MKRN2: variants seen among roughly 807,000 people sequenced by gnomAD.
The protein encoded by MKRN2 is E3 ubiquitin-protein ligase makorin-2.
In MKRN2, 32 loss-of-function variants were observed where a neutral mutation model predicts 45.4. The observed-to-expected ratio is 0.70, with a 90% CI of 0.53 to 0.95. The LOEUF (loss-of-function observed/expected upper bound fraction) is 0.95, where lower values mean the gene tolerates loss of function less well. Among genes scored for constraint, MKRN2 ranks in the 40% least tolerant of loss-of-function variants. The probability of loss-of-function intolerance (pLI) is 0.00; values close to 1 mark genes in which losing one functional copy is unlikely to be tolerated. For synonymous variants in MKRN2, 206 were observed against 192.4 expected, an observed-to-expected ratio of 1.07 and a Z score of -0.59; for missense variants, 526 against 536.7, an observed-to-expected ratio of 0.98 and a Z score of 0.20.
chr3:12,576,940 T>TTTTTTTTTTTTG, intron 6 of MKRN2, 199 bp downstream of exon 6: 1 of 251,600 alleles, frequency 4.0e-6, no homozygotes. Context: ...GGTGTTTTTT[T>TTTTTTTTTTTTG]TTTTTTTTTT....
chr3:12,566,661 G>A (rs1414018099), intron 1 of MKRN2, among the ~76,000 whole-genome samples: 3 of 152,146 alleles, frequency 2.0e-5, no homozygotes, highest in Admixed American at 2.0e-4. Flanking sequence ...GGAGTGCAAT[G>A]GCGCGATCTT....
chr3:12,580,640 G>A (rs1336336440), intron 6 of MKRN2, among the ~76,000 whole-genome samples: 1 of 152,100 alleles, frequency 6.6e-6, no homozygotes, highest in Non-Finnish European at 1.5e-5. Context: ...TGTATTTTTA[G>A]TAGAGATGGG....
chr3:12,577,620 G>A (rs951923109), intron 6 of MKRN2, among the ~76,000 whole-genome samples: 12 of 151,806 alleles, frequency 7.9e-5, no homozygotes, highest in Non-Finnish European at 1.6e-4. Context: ...CCTTGACATT[G>A]TAAATATTAC....
At chr3:12,562,432 G>T (rs1005467493) in intron 1 of MKRN2, among the ~76,000 whole-genome samples, 1 of 152,124 alleles carries the variant, frequency 6.6e-6, no homozygotes, top group Non-Finnish European at 1.5e-5. Flanking sequence ...TTATAAAATC[G>T]GTATTGTAAA....
At chr3:12,580,901 C>G (rs1434823425) in intron 6 of MKRN2, among the ~76,000 whole-genome samples, 1 of 152,266 alleles carries the variant, frequency 6.6e-6, no homozygotes, top group Non-Finnish European at 1.5e-5. Context: ...TCACACACCC[C>G]AGCTGCCCCT....
intron 1 of MKRN2, among the ~76,000 whole-genome samples, chr3:12,560,285 C>G (rs2058025315): frequency 6.6e-6 from 1 of 151,986 alleles, no homozygotes; most frequent in Non-Finnish European, 1.5e-5. Context: ...CTTGCTTAAG[C>G]TCACATAGCA....
chr3:12,581,815 G>A lies in MKRN2; in HGVS notation c.976G>A (p.Ala326Thr). Residue 326 changes from alanine to threonine, a missense_variant, in exon 7 of 8, where the codon GCC (alanine) becomes ACC (threonine). Physicochemically the swap from Ala to Thr is moderately conservative, Grantham distance 58. Coordinates refer to ENST00000170447, the MANE Select transcript of MKRN2 (RefSeq NM_014160.5). ...EAFKQGMGKK[A>T]CKYFEQGKGT... Reference sequence around the variant, plus strand: ...TTTCTTTCTGCTTTTCAGGAAAAAAGCCTGTAAATACTTTGAGCAAGGCAA... The same window carrying A: ...TTTCTTTCTGCTTTTCAGGAAAAAAACCTGTAAATACTTTGAGCAAGGCAA... The A allele has an allele frequency of 6.2e-7, 1 of 1,613,926 alleles. No homozygotes were observed. Among genetic ancestry groups the A allele is most frequent in the Non-Finnish European group, 8.5e-7 (1 of 1,179,950 alleles).
intron 3 of MKRN2, among the ~76,000 whole-genome samples, chr3:12,570,536 A>G (rs2058092357): frequency 1.3e-5 from 2 of 152,140 alleles, no homozygotes; most frequent in African/African-American, 4.8e-5. Context: ...CCATCTTCAT[A>G]TGGTGGTTGT....
intron 1 of MKRN2, among the ~76,000 whole-genome samples, chr3:12,558,986 C>T (rs1217754931): frequency 6.6e-6 from 1 of 152,198 alleles, no homozygotes; most frequent in African/African-American, 2.4e-5. Flanking sequence ...GGTGTGAAAT[C>T]AAAGTTCATG....
At chr3:12,575,035 G>A (rs1559390686) in intron 5 of MKRN2, 29 bp downstream of exon 5, 2 of 1,578,534 alleles carry the variant, frequency 1.3e-6, no homozygotes, top group Non-Finnish European at 1.7e-6. Flanking sequence ...CTTAGCTGTG[G>A]GAGCTAGGAG....
chr3:12,563,785 G>A (rs1321034870), intron 1 of MKRN2, among the ~76,000 whole-genome samples: 1 of 127,580 alleles, frequency 7.8e-6, no homozygotes, highest in Non-Finnish European at 1.6e-5. Flanking sequence ...ACCACACCCG[G>A]CCAGAATCAC....
intron 4 of MKRN2, among the ~76,000 whole-genome samples, chr3:12,574,223 A>G (rs2058117274): frequency 6.6e-6 from 1 of 152,192 alleles, no homozygotes; most frequent in Non-Finnish European, 1.5e-5. Flanking sequence ...TCAGATCTGG[A>G]CAGACTGAGC....
At chr3:12,568,803 G>A in intron 1 of MKRN2, 72 bp from the exon 2 acceptor site, 1 of 1,564,318 alleles carries the variant, frequency 6.4e-7, no homozygotes, top group Non-Finnish European at 8.7e-7. Context: ...TGTATGCTAA[G>A]TTCAAGAATA....
chr3:12,578,442 CAAG>C (rs1378801943), intron 6 of MKRN2, among the ~76,000 whole-genome samples: 1 of 151,288 alleles, frequency 6.6e-6, no homozygotes, highest in Non-Finnish European at 1.5e-5. Context: ...CTCAGCCTCC[CAAG>C]AAGGTGGGAC....
At chr3:12,575,572 C>T (rs1438323060) in intron 5 of MKRN2, among the ~76,000 whole-genome samples, 1 of 152,158 alleles carries the variant, frequency 6.6e-6, no homozygotes, top group Non-Finnish European at 1.5e-5. Flanking sequence ...TCTGTCCGCT[C>T]ATCTCATTCC....
intron 1 of MKRN2, among the ~76,000 whole-genome samples, chr3:12,559,598 A>G (rs903787604): frequency 6.6e-6 from 1 of 152,188 alleles, no homozygotes; most frequent in Non-Finnish European, 1.5e-5. Flanking sequence ...ATCAAATGCT[A>G]GGAGTCTCAA....
At chr3:12,560,357 C>G (rs2058026103) in intron 1 of MKRN2, among the ~76,000 whole-genome samples, 1 of 151,916 alleles carries the variant, frequency 6.6e-6, no homozygotes, top group African/African-American at 2.4e-5. Context: ...CGCCTCTAAT[C>G]AGTACATTTA....
intron 1 of MKRN2, among the ~76,000 whole-genome samples, chr3:12,564,388 TTG>T (rs1373952758): frequency 3.3e-5 from 5 of 152,368 alleles, no homozygotes; most frequent in Middle Eastern, 3.4e-3. Context: ...TCTCAGTTAA[TTG>T]TGTTTAACTT....
At chr3:12,578,312 CTTTTTTTTTTTTTT>C (rs71063833) in intron 6 of MKRN2, among the ~76,000 whole-genome samples, 1 of 71,718 alleles carries the variant, frequency 1.4e-5, no homozygotes, top group Non-Finnish European at 2.5e-5. Context: ...AGAGCTACTT[CTTTTTTTTTTTTTT>C]TTTTTTTTTT....
Sources: gnomAD v4.1 joint callset for allele counts (sites outside exome capture counted in the v4.1 genomes callset) on GRCh38, gnomAD v4.1.1 for gene constraint, MANE v1.5 for transcripts, NCBI Gene and HGNC (gene_info 2026-07-23, HGNC 2026-07-21) for gene names.